The following RERE variants were observed in gnomAD, a reference collection of about 807,000 sequenced individuals.
RERE encodes the protein arginine-glutamic acid dipeptide repeats protein.
A neutral mutation model predicts 146.1 loss-of-function variants in RERE; 40 were observed. That is an observed-to-expected ratio of 0.27 (90% CI 0.21 to 0.36). The LOEUF (loss-of-function observed/expected upper bound fraction) is 0.36. RERE is among the 10% of genes least tolerant of loss of function. The probability of loss-of-function intolerance (pLI) is 1.00; values close to 1 mark genes in which losing one functional copy is unlikely to be tolerated. For missense variants in RERE, 1,933 were observed against 2,138.7 expected, an observed-to-expected ratio of 0.90 and a Z score of 1.90; for synonymous variants, 1,003 against 866.0, an observed-to-expected ratio of 1.16 and a Z score of -2.78.
chr1:8,360,500 G>T lies in RERE; in HGVS notation c.3007C>A (p.Gln1003Lys). The T allele has an allele frequency of 2.2e-6, 3 of 1,390,898 alleles. No homozygotes were observed. The highest frequency in any genetic ancestry group is 2.8e-6 in the Non-Finnish European group (3 of 1,054,122). 86.2% of individuals were successfully genotyped at this position (1,390,898 alleles called of 1,614,324 possible). The change falls in exon 18 of 23, where the codon CAG becomes AAG. Residue 1003 changes from glutamine to lysine, a missense_variant. Gln to Lys is a moderately conservative substitution (Grantham distance 53, BLOSUM62 1). Coordinates refer to ENST00000400908, the MANE Select transcript of RERE (RefSeq NM_001042681.2). ...TGGCTCTGGGTCAGCCCGGGGGGCT[G>T]GGCGGGCGAGGAGGGCAATGGCTGG... ...QSQPLPSSPAQPPGLTQSQNL... is the reference protein window; with the variant it reads ...QSQPLPSSPAKPPGLTQSQNL...
chr1:8,392,928 T>A (rs1037035552), intron 12 of RERE, among the ~76,000 whole-genome samples: 2 of 152,180 alleles, frequency 1.3e-5, no homozygotes, highest in African/African-American at 4.8e-5. Flanking sequence ...TTCCATTTCA[T>A]AGAAAATGAA....
intron 1 of RERE, among the ~76,000 whole-genome samples, chr1:8,795,010 C>T (rs181462967): frequency 2.0e-5 from 3 of 152,186 alleles, no homozygotes; most frequent in Admixed American, 2.0e-4. Flanking sequence ...AAGACAGGGT[C>T]TCCCTATGTT....
intron 3 of RERE, among the ~76,000 whole-genome samples, chr1:8,621,365 G>A (rs1251250865): frequency 1.3e-5 from 2 of 152,158 alleles, no homozygotes; most frequent in Non-Finnish European, 2.9e-5. Flanking sequence ...AAGGCCCTTG[G>A]TTCAATAAAC....
chr1:8,487,349 G>A (rs1202126863), intron 10 of RERE, among the ~76,000 whole-genome samples: 2 of 152,078 alleles, frequency 1.3e-5, no homozygotes, highest in African/African-American at 4.8e-5. Flanking sequence ...TGGGGAAGCT[G>A]AGGAGGATCA....
chr1:8,484,568 C>T (rs1208486000), intron 10 of RERE, among the ~76,000 whole-genome samples: 5 of 151,924 alleles, frequency 3.3e-5, no homozygotes, highest in Non-Finnish European at 5.9e-5. Flanking sequence ...GGATTACAGG[C>T]GCCACCATCA....
At chr1:8,429,415 C>T (rs1570221502) in intron 11 of RERE, among the ~76,000 whole-genome samples, 1 of 152,302 alleles carries the variant, frequency 6.6e-6, no homozygotes, top group South Asian at 2.1e-4. Flanking sequence ...ATAGAGAATA[C>T]TGGGCTGAGA....
intron 11 of RERE, among the ~76,000 whole-genome samples, chr1:8,444,935 AG>A (rs1256353125): frequency 1.3e-5 from 2 of 151,620 alleles, no homozygotes; most frequent in African/African-American, 4.9e-5. Context: ...AAAAAAAAAA[AG>A]ATAATGGGTA....
intron 1 of RERE, among the ~76,000 whole-genome samples, chr1:8,784,822 T>C (rs985912993): frequency 1.3e-5 from 2 of 152,132 alleles, no homozygotes; most frequent in Non-Finnish European, 2.9e-5. Flanking sequence ...AAACCAAATT[T>C]TGCTAAAGAA....
intron 12 of RERE, among the ~76,000 whole-genome samples, chr1:8,405,651 T>C (rs1276594693): frequency 6.6e-6 from 1 of 152,208 alleles, no homozygotes; most frequent in Admixed American, 6.5e-5. Flanking sequence ...TTTTTCTTTT[T>C]ATTTTCGAGA....
intron 4 of RERE, among the ~76,000 whole-genome samples, chr1:8,603,133 A>G (rs1288649415): frequency 6.6e-6 from 1 of 152,252 alleles, no homozygotes; most frequent in Non-Finnish European, 1.5e-5. Flanking sequence ...TAATATTTTT[A>G]ACATCCATTT....
intron 12 of RERE, among the ~76,000 whole-genome samples, chr1:8,371,943 G>A (rs1289918524): frequency 6.6e-6 from 1 of 152,190 alleles, no homozygotes; most frequent in African/African-American, 2.4e-5. Context: ...CTCCTCCCAG[G>A]CTTTCCAACA....
intron 1 of RERE, among the ~76,000 whole-genome samples, chr1:8,743,179 T>G (rs1166241035): frequency 1.3e-5 from 2 of 152,046 alleles, no homozygotes; most frequent in African/African-American, 2.4e-5. Flanking sequence ...GAAGACTGCT[T>G]GAGGCCAGGA....
At chr1:8,603,082 G>A (rs1467987867) in intron 4 of RERE, among the ~76,000 whole-genome samples, 1 of 152,260 alleles carries the variant, frequency 6.6e-6, no homozygotes, top group Non-Finnish European at 1.5e-5. Context: ...GGGAGGTGGA[G>A]AGGAGAGGCT....
At position 8,465,909 on chromosome 1, in the gene RERE, G is replaced by T; in HGVS notation, c.1203+16C>A. 6.2e-7 allele frequency: 1 copy of T among 1,611,274 alleles called. No homozygotes were observed. The highest frequency in any genetic ancestry group is 1.1e-5 in the South Asian group (1 of 91,012). On this transcript the variant is annotated intron_variant, in intron 11 of 22. Coordinates refer to ENST00000400908, the MANE Select transcript of RERE (RefSeq NM_001042681.2). Reference sequence around the variant, plus strand: ...CGATGCCCCAGAGCACAAGGCAAATGCTGGTTCCTGCTCACCACTTCGTCC... The same window carrying T: ...CGATGCCCCAGAGCACAAGGCAAATTCTGGTTCCTGCTCACCACTTCGTCC...
intron 7 of RERE, among the ~76,000 whole-genome samples, chr1:8,509,109 G>A (rs929631783): frequency 6.6e-6 from 1 of 152,052 alleles, no homozygotes; most frequent in Non-Finnish European, 1.5e-5. Context: ...GTAAATTTCA[G>A]TAAATTTTGT....
intron 11 of RERE, among the ~76,000 whole-genome samples, chr1:8,458,573 G>A (rs1320019785): frequency 2.6e-5 from 4 of 152,006 alleles, no homozygotes; most frequent in Non-Finnish European, 5.9e-5. Context: ...GTGTGCGCAT[G>A]CGCGCACACA....
chr1:8,410,848 A>T (rs916453247), intron 12 of RERE, among the ~76,000 whole-genome samples: 3 of 152,180 alleles, frequency 2.0e-5, no homozygotes, highest in African/African-American at 7.2e-5. Context: ...GGCAGCCAGT[A>T]AGACACCCCC....
chr1:8,503,050 TCC>T (rs1157981942), intron 8 of RERE, among the ~76,000 whole-genome samples: 1 of 144,620 alleles, frequency 6.9e-6, no homozygotes, highest in East Asian at 2.0e-4. Context: ...CCCTGCCAAA[TCC>T]CCCTCTGCGA....
intron 11 of RERE, among the ~76,000 whole-genome samples, chr1:8,449,703 T>C (rs1336028805): frequency 1.3e-5 from 2 of 152,228 alleles, no homozygotes; most frequent in East Asian, 3.9e-4. Context: ...CTGAAAGTTA[T>C]TGAGTCCTAA....
Sources: allele counts gnomAD v4.1 joint callset (sites outside exome capture counted in the v4.1 genomes callset), GRCh38; gene constraint gnomAD v4.1.1; transcripts MANE v1.5; gene names NCBI Gene and HGNC (gene_info 2026-07-23, HGNC 2026-07-21).